TBC1D9: variants seen among roughly 807,000 people sequenced by gnomAD.
TBC1D9 encodes the protein TBC1 domain family member 9, also known as TBC1 domain family member 9A.
TBC1D9 carries 63 observed loss-of-function variants against 132.0 expected under a neutral mutation model. The observed-to-expected ratio is 0.48, with a 90% CI of 0.39 to 0.59. The LOEUF (loss-of-function observed/expected upper bound fraction) is 0.59, where lower values mean the gene tolerates loss of function less well. Among genes scored for constraint, TBC1D9 ranks in the 20% least tolerant of loss-of-function variants. TBC1D9 has a pLI of 0.00. For synonymous variants in TBC1D9, 610 were observed against 609.9 expected (o/e 1.00, Z 0.00); for missense variants, 1,261 against 1,592.7 (o/e 0.79, Z 3.54).
intron 11 of TBC1D9, among the ~76,000 whole-genome samples, chr4:140,658,362 T>C (rs1737303755): frequency 6.6e-6 from 1 of 152,164 alleles, no homozygotes; most frequent in Non-Finnish European, 1.5e-5. Context: ...TAGGCAACTA[T>C]AACATAATGG....
chr4:140,638,302 C>T (rs1282907998), intron 15 of TBC1D9, among the ~76,000 whole-genome samples: 1 of 151,996 alleles, frequency 6.6e-6, no homozygotes, highest in African/African-American at 2.4e-5. Flanking sequence ...GCTGATGATA[C>T]CTATGACAAA....
chr4:140,699,433 G>A (rs1738029135), intron 2 of TBC1D9, among the ~76,000 whole-genome samples: 1 of 152,170 alleles, frequency 6.6e-6, no homozygotes, highest in South Asian at 2.1e-4. Context: ...GGTGATCAAG[G>A]AGGCCCGCAG....
chr4:140,705,575 G>A (rs1436976884), intron 1 of TBC1D9, among the ~76,000 whole-genome samples: 2 of 151,470 alleles, frequency 1.3e-5, no homozygotes, highest in Non-Finnish European at 2.9e-5. Flanking sequence ...TTATCACCAT[G>A]CTATCTAAAC....
At chr4:140,663,966 G>C (rs1737404430) in intron 9 of TBC1D9, among the ~76,000 whole-genome samples, 1 of 148,370 alleles carries the variant, frequency 6.7e-6, no homozygotes, top group Non-Finnish European at 1.5e-5. Context: ...AAGATCTAAT[G>C]TAATACTGTA....
intron 6 of TBC1D9, among the ~76,000 whole-genome samples, chr4:140,673,465 G>C (rs1036007180): frequency 6.6e-6 from 1 of 152,050 alleles, no homozygotes; most frequent in African/African-American, 2.4e-5. Flanking sequence ...TCACGTGGAG[G>C]GCACCCTCCA....
At chr4:140,668,384 G>C (rs1414834036) in intron 9 of TBC1D9, among the ~76,000 whole-genome samples, 1 of 152,246 alleles carries the variant, frequency 6.6e-6, no homozygotes, top group African/African-American at 2.4e-5. Flanking sequence ...TATGATCTGA[G>C]TAAGCTTTTA....
At chr4:140,661,281 C>T (rs1237619577) in intron 10 of TBC1D9, among the ~76,000 whole-genome samples, 1 of 152,182 alleles carries the variant, frequency 6.6e-6, no homozygotes, top group African/African-American at 2.4e-5. Context: ...TATACCAGTA[C>T]AAGAGATGAC....
intron 15 of TBC1D9, among the ~76,000 whole-genome samples, chr4:140,636,407 T>G: frequency 6.6e-6 from 1 of 152,090 alleles, no homozygotes; most frequent in East Asian, 1.9e-4. Context: ...AAAAAAAAAT[T>G]TAAGAGACAG....
intron 18 of TBC1D9, among the ~76,000 whole-genome samples, chr4:140,624,781 G>A (rs1296080220): frequency 1.3e-5 from 2 of 152,180 alleles, no homozygotes; most frequent in East Asian, 1.9e-4. Context: ...GTCAAGCAGC[G>A]TGGCTCATGC....
At chr4:140,683,570 C>T (rs1244880054) in intron 3 of TBC1D9, among the ~76,000 whole-genome samples, 1 of 151,938 alleles carries the variant, frequency 6.6e-6, no homozygotes, top group Non-Finnish European at 1.5e-5. Context: ...ATCAGATGTT[C>T]AATATAAATT....
At chr4:140,682,546 A>G (rs1737720700) in intron 3 of TBC1D9, among the ~76,000 whole-genome samples, 1 of 152,234 alleles carries the variant, frequency 6.6e-6, no homozygotes, top group Non-Finnish European at 1.5e-5. Context: ...GGCCTATGTG[A>G]CATTTCAAAG....
At chr4:140,646,191 C>T (rs1009111430) in intron 13 of TBC1D9, among the ~76,000 whole-genome samples, 2 of 152,158 alleles carry the variant, frequency 1.3e-5, no homozygotes, top group African/African-American at 2.4e-5. Flanking sequence ...ATCCCCATTT[C>T]AGAGACAAAG....
intron 13 of TBC1D9, among the ~76,000 whole-genome samples, chr4:140,653,861 G>A (rs1737224146): frequency 6.6e-6 from 1 of 152,230 alleles, no homozygotes; most frequent in South Asian, 2.1e-4. Context: ...GTGATAGGAT[G>A]TCTGGCAGCC....
At chr4:140,737,613 G>C (rs1313711911) in intron 1 of TBC1D9, among the ~76,000 whole-genome samples, 1 of 152,158 alleles carries the variant, frequency 6.6e-6, no homozygotes, top group Non-Finnish European at 1.5e-5. Context: ...TCATTTTGTA[G>C]TCACAGACAG....
chr4:140,678,856 A>G, intron 5 of TBC1D9, 86 bp downstream of exon 5: 1 of 1,467,836 alleles, frequency 6.8e-7, no homozygotes, highest in East Asian at 2.3e-5. Flanking sequence ...ACCCTTGAAG[A>G]TCGTCAGAGA....
chr4:140,750,300 A>C (rs1468991205), intron 1 of TBC1D9, among the ~76,000 whole-genome samples: 1 of 152,066 alleles, frequency 6.6e-6, no homozygotes, highest in Non-Finnish European at 1.5e-5. Flanking sequence ...CTAGCCTGTC[A>C]AGAAAGGCAA....
At chr4:140,678,837 G>C in intron 5 of TBC1D9, 105 bp downstream of exon 5, 1 of 1,351,568 alleles carries the variant, frequency 7.4e-7, no homozygotes, top group Non-Finnish European at 1.0e-6. Flanking sequence ...ACACAGAAGA[G>C]TGTTCAGAAC....
chr4:140,675,167 T>C (rs887875648), intron 6 of TBC1D9, among the ~76,000 whole-genome samples: 2 of 152,074 alleles, frequency 1.3e-5, no homozygotes, highest in East Asian at 1.9e-4. Context: ...AGCTGTACAA[T>C]AGAATGTTAA....
intron 1 of TBC1D9, among the ~76,000 whole-genome samples, chr4:140,750,368 T>C (rs931765358): frequency 2.0e-5 from 3 of 151,922 alleles, no homozygotes; most frequent in African/African-American, 7.3e-5. Context: ...TATTAGCAGA[T>C]GATATGGTTG....
Sources: gnomAD v4.1 joint callset for allele counts (sites outside exome capture counted in the v4.1 genomes callset) on GRCh38, gnomAD v4.1.1 for gene constraint, MANE v1.5 for transcripts, NCBI Gene and HGNC (gene_info 2026-07-23, HGNC 2026-07-21) for gene names.